OTC: variants seen among roughly 807,000 people sequenced by gnomAD.
The protein encoded by OTC is ornithine transcarbamylase.
In OTC, 3 loss-of-function variants were observed where a neutral mutation model predicts 30.3. The observed-to-expected ratio is 0.10, with a 90% CI of 0.05 to 0.26. The LOEUF is 0.26. Ranked by LOEUF, OTC falls within the 10% of genes least tolerant of loss-of-function variation. OTC has a pLI of 1.00. For synonymous variants in OTC, 111 were observed against 99.7 expected (o/e 1.11, Z -0.67); for missense variants, 194 against 260.3 (o/e 0.75, Z 1.75).
intron 1 of OTC, among the ~76,000 whole-genome samples, chrX:38,362,978 AAGCCTGT>A (rs1243437235): frequency 1.8e-5 from 2 of 112,454 alleles, no homozygotes; most frequent in Non-Finnish European, 3.8e-5. Flanking sequence ...CTCTTAAATA[AAGCCTGT>A]AGCCTTGTGA....
chrX:38,345,020 C>T, the OTC span, among the ~76,000 whole-genome samples: 3 of 111,040 alleles, frequency 2.7e-5, no homozygotes, highest in Non-Finnish European at 3.8e-5. Flanking sequence ...CAAGCCTGGG[C>T]AACATAGTGA....
At chrX:38,395,146 T>C (rs1266959708) in intron 4 of OTC, among the ~76,000 whole-genome samples, 2 of 110,520 alleles carry the variant, frequency 1.8e-5, no homozygotes, top group Non-Finnish European at 3.8e-5. Flanking sequence ...CTAATTTTTG[T>C]ATTTTTAGTA....
intron 1 of OTC, 30 bp from the exon 2 acceptor site, chrX:38,367,261 T>A: frequency 8.5e-7 from 1 of 1,169,875 alleles, no homozygotes; most frequent in Non-Finnish European, 1.2e-6. Flanking sequence ...CTGAAATACA[T>A]ATTTCTCCCT....
At chrX:38,331,444 T>G in the OTC span, among the ~76,000 whole-genome samples, 24 of 61,882 alleles carry the variant, frequency 3.9e-4, no homozygotes, top group East Asian at 2.6e-3. Flanking sequence ...TTTTTTTTGT[T>G]TTTTTTTTTT....
chrX:38,375,509 G>A (rs1347101980), intron 3 of OTC, among the ~76,000 whole-genome samples: 1 of 111,239 alleles, frequency 9.0e-6, no homozygotes, highest in African/African-American at 3.3e-5. Flanking sequence ...CAGTGGAGAG[G>A]GTAAGAGTAA....
chrX:38,396,764 C>T lies in OTC; in HGVS notation c.387-4511C>T, dbSNP rs188124735. 2.9e-4 allele frequency among the ~76,000 whole-genome samples: 32 copies of T among 110,559 alleles called. No homozygotes were observed. In the East Asian group the frequency reaches 8.8e-3, roughly 30 times the overall value. On this transcript the variant is annotated intron_variant, in intron 4 of 9. Transcript: ENST00000039007. ...CTCCAGCCTGGGCGACAGAGCGAGA[C>T]TCCGTCTGAAAAAAAAAAAATTTAG...
At chrX:38,351,301 A>G (rs1438184608), upstream of OTC, among the ~76,000 whole-genome samples, 2 of 111,851 alleles carry the variant, frequency 1.8e-5, no homozygotes, top group Non-Finnish European at 3.8e-5. Flanking sequence ...GGTATTCCAC[A>G]AACTTCTGGA....
chrX:38,390,172 T>C (rs1173453008), intron 4 of OTC, among the ~76,000 whole-genome samples: 2 of 112,533 alleles, frequency 1.8e-5, no homozygotes, highest in African/African-American at 3.2e-5. Context: ...AATATGGCAA[T>C]TTTATTCAAC....
the OTC span, among the ~76,000 whole-genome samples, chrX:38,342,011 C>CTTT: frequency 6.7e-4 from 19 of 28,568 alleles, 1 homozygote; most frequent in African/African-American, 3.0e-3. Flanking sequence ...TTAAATTTCA[C>CTTT]TTTTTTTTTT....
chrX:38,349,367 T>C (rs2068203782), upstream of OTC, among the ~76,000 whole-genome samples: 1 of 112,628 alleles, frequency 8.9e-6, no homozygotes, highest in Non-Finnish European at 1.9e-5. Flanking sequence ...TATGTTGAAA[T>C]TTAAGTGGCA....
intron 4 of OTC, among the ~76,000 whole-genome samples, chrX:38,383,386 G>T (rs929938123): frequency 1.8e-5 from 2 of 112,127 alleles, no homozygotes; most frequent in Admixed American, 1.9e-4. Flanking sequence ...ATGGAGCTTA[G>T]AAGCTGACTA....
upstream of OTC, among the ~76,000 whole-genome samples, chrX:38,349,073 T>C (rs553289051): frequency 1.3e-4 from 15 of 111,586 alleles, no homozygotes; most frequent in African/African-American, 4.9e-4. Context: ...GTTGCAAAAC[T>C]GTTGAGAAGG....
intron 9 of OTC, among the ~76,000 whole-genome samples, chrX:38,419,173 C>T (rs2068583398): frequency 9.0e-6 from 1 of 111,724 alleles, no homozygotes; most frequent in Admixed American, 9.5e-5. Context: ...TCTGGGCTTT[C>T]CTTACTGTTT....
chrX:38,359,652 G>A (rs922933055), intron 1 of OTC, among the ~76,000 whole-genome samples: 4 of 110,093 alleles, frequency 3.6e-5, no homozygotes, highest in East Asian at 2.9e-4. Context: ...AACTCCTGAC[G>A]TCAGGTGATC....
At chrX:38,366,443 A>G (rs891320516) in intron 1 of OTC, among the ~76,000 whole-genome samples, 14 of 111,909 alleles carry the variant, frequency 1.3e-4, no homozygotes, top group African/African-American at 4.5e-4. Context: ...AACAAGCTCC[A>G]AGAACAGATT....
chrX:38,339,979 T>C, the OTC span, among the ~76,000 whole-genome samples: 1 of 112,115 alleles, frequency 8.9e-6, no homozygotes, highest in Non-Finnish European at 1.9e-5. Flanking sequence ...AGCAAATAAT[T>C]GAACGCAAAT....
chrX:38,360,200 T>C (rs1242109081), intron 1 of OTC, among the ~76,000 whole-genome samples: 4 of 111,059 alleles, frequency 3.6e-5, no homozygotes, highest in African/African-American at 1.3e-4. Context: ...GGATTACAGG[T>C]GTGAGCCACT....
chrX:38,372,298 A>G (rs188644861), intron 3 of OTC, among the ~76,000 whole-genome samples: 4 of 112,038 alleles, frequency 3.6e-5, no homozygotes, highest in African/African-American at 1.3e-4. Context: ...ACTCTGTGAG[A>G]GCAAGACCAT....
rs2068594514 is a variant in OTC at position 38,421,316 on chromosome X, T to G, written c.*234T>G. On this transcript the variant is annotated 3_prime_UTR_variant, in exon 10 of 10. Coordinates refer to ENST00000039007, the MANE Select transcript of OTC (RefSeq NM_000531.6). ...ACTCTCTAATTCCCAATTTCTGAGT[T>G]ACATTTAGATATCATATTAATTATC... The G allele has an allele frequency of 7.2e-5, 27 of 375,329 alleles. No individual in the cohort carries two copies. In the South Asian group the frequency reaches 9.8e-4, roughly 14 times the overall value. 30.9% of individuals were successfully genotyped at this position (375,329 alleles called of 1,213,427 possible).
Sources: gnomAD v4.1 joint callset for allele counts (sites outside exome capture counted in the v4.1 genomes callset) on GRCh38, gnomAD v4.1.1 for gene constraint, MANE v1.5 for transcripts, NCBI Gene and HGNC (gene_info 2026-07-23, HGNC 2026-07-21) for gene names.